The following MTMR10 variants were observed in gnomAD, a reference collection of about 807,000 sequenced individuals.
MTMR10 encodes the protein myotubularin related protein 10.
A neutral mutation model predicts 88.1 loss-of-function variants in MTMR10; 56 were observed. The observed-to-expected ratio is 0.64, with a 90% confidence interval of 0.51 to 0.79. The LOEUF (loss-of-function observed/expected upper bound fraction) is 0.79. MTMR10 is among the 30% of genes least tolerant of loss of function. The pLI is 0.00. For missense variants in MTMR10, 883 were observed against 924.7 expected, an observed-to-expected ratio of 0.95 and a Z score of 0.58; for synonymous variants, 380 against 340.9, an observed-to-expected ratio of 1.11 and a Z score of -1.26.
At chr15:30,945,657 T>C (rs2063160095) in intron 14 of MTMR10, among the ~76,000 whole-genome samples, 1 of 152,084 alleles carries the variant, frequency 6.6e-6, no homozygotes, top group Admixed American at 6.5e-5. Context: ...CCAAGAATGA[T>C]TATGGTGACG....
chr15:30,921,033 C>T, the MTMR10 span, among the ~76,000 whole-genome samples: 2 of 152,194 alleles, frequency 1.3e-5, no homozygotes, highest in African/African-American at 2.4e-5. Context: ...ATTTGCCCAC[C>T]TTGGCCTCTG....
chr15:30,934,746 T>A (rs1171403037), downstream of MTMR10, among the ~76,000 whole-genome samples: 5 of 152,222 alleles, frequency 3.3e-5, no homozygotes, highest in Non-Finnish European at 7.3e-5. Context: ...TTCATTGTGT[T>A]GAAGTGGTTG....
chr15:30,923,772 C>T, the MTMR10 span, among the ~76,000 whole-genome samples: 1 of 152,190 alleles, frequency 6.6e-6, no homozygotes, highest in South Asian at 2.1e-4. Context: ...CTCTGGATGG[C>T]CTGAGCCTTC....
chr15:30,919,378 CAAA>C, the MTMR10 span, among the ~76,000 whole-genome samples: 12 of 75,106 alleles, frequency 1.6e-4, no homozygotes, highest in Admixed American at 4.7e-4. Context: ...AACTCCGTCT[CAAA>C]AAAAAAAAAA....
At chr15:30,988,077 G>C (rs1381726517) in intron 2 of MTMR10, among the ~76,000 whole-genome samples, 1 of 152,174 alleles carries the variant, frequency 6.6e-6, no homozygotes, top group Non-Finnish European at 1.5e-5. Context: ...ATCACCAATA[G>C]TTCGGTAACT....
At position 30,943,039 on chromosome 15, in the gene MTMR10, C is replaced by A; in HGVS notation, c.1582G>T (p.Asp528Tyr). The A allele has an allele frequency of 6.5e-7, 1 of 1,545,188 alleles. No homozygotes were observed. The highest frequency in any genetic ancestry group is 8.7e-7 in the Non-Finnish European group (1 of 1,145,356). The change falls in exon 15 of 16, where the codon GAT (aspartate) becomes TAT (tyrosine). Residue 528 changes from aspartate (D) to tyrosine (Y), a missense_variant. Coordinates refer to ENST00000435680, the MANE Select transcript of MTMR10 (RefSeq NM_017762.3). ...GAGGGGAATTTTAAGCCCTTCTCATCACCCAATTGGATGTTTTTGCTTATA... is the reference window on the plus strand; with the variant it reads ...GAGGGGAATTTTAAGCCCTTCTCATAACCCAATTGGATGTTTTTGCTTATA... ...FAISKNIQLGDEKGLKFPSVW... is the reference protein window; with the variant it reads ...FAISKNIQLGYEKGLKFPSVW...
In MTMR10 at chr15:30,940,762, C is replaced by T. The variant is rs919079393; in HGVS notation, c.*708G>A. 5.1e-6 allele frequency: 5 copies of T among 988,754 alleles called. No individual in the cohort carries two copies. Among genetic ancestry groups the T allele is most frequent in the Admixed American group, 6.0e-5 (1 of 16,616 alleles). 61.2% of individuals were successfully genotyped at this position (988,754 alleles called of 1,614,324 possible). On this transcript the variant is annotated 3_prime_UTR_variant, in exon 16 of 16. Coordinates refer to ENST00000435680, the MANE Select transcript of MTMR10 (RefSeq NM_017762.3). ...AAATATGCAATGGGATTTTCCCACC[C>T]CAATTTTAAAAAGTGAAATTATATT...
At chr15:30,979,784 C>T (rs79580946) in intron 2 of MTMR10, among the ~76,000 whole-genome samples, 1 of 152,204 alleles carries the variant, frequency 6.6e-6, no homozygotes, top group African/African-American at 2.4e-5. Flanking sequence ...ACGTATCAAG[C>T]CTATGAACGC....
At chr15:30,983,772 C>A (rs2030748603) in intron 2 of MTMR10, among the ~76,000 whole-genome samples, 1 of 152,148 alleles carries the variant, frequency 6.6e-6, no homozygotes, top group Non-Finnish European at 1.5e-5. Context: ...AAGCTGGTCA[C>A]CCTAGCTTTA....
chr15:30,937,321 TTTTA>T, downstream of MTMR10: 13 of 1,477,888 alleles, frequency 8.8e-6, no homozygotes, highest in Non-Finnish European at 1.1e-5. Context: ...ATAAAACATG[TTTTA>T]TTTAATTTTG....
intron 6 of MTMR10, among the ~76,000 whole-genome samples, chr15:30,964,274 G>A (rs905098464): frequency 6.6e-6 from 1 of 152,188 alleles, no homozygotes; most frequent in Non-Finnish European, 1.5e-5. Flanking sequence ...ACTGAGTCCA[G>A]CAGCACTGAA....
intron 10 of MTMR10, 50 bp from the exon 11 acceptor site, chr15:30,953,681 C>A: frequency 1.7e-6 from 2 of 1,193,380 alleles, no homozygotes; most frequent in South Asian, 1.4e-5. Context: ...TTTATACGAT[C>A]CCTATCAGAG....
At position 30,948,285 on chromosome 15, in the gene MTMR10, C is replaced by T; in HGVS notation, c.1377+17G>A. 1 of 1,600,272 alleles carries T rather than the reference C, an allele frequency of 6.2e-7. No individual in the cohort carries two copies. The highest frequency in any genetic ancestry group is 8.5e-7 in the Non-Finnish European group (1 of 1,174,054). On this transcript the variant is annotated intron_variant, in intron 13 of 15. Transcript: ENST00000435680. ...GTATCCTTAAAGACTGATAAAAAGG[C>T]ATCAAGATTTTGTTACCTCTTTCTC...
At chr15:30,920,187 G>A in the MTMR10 span, among the ~76,000 whole-genome samples, 2 of 152,112 alleles carry the variant, frequency 1.3e-5, no homozygotes, top group Non-Finnish European at 2.9e-5. Flanking sequence ...TACAATTTTC[G>A]CATACCAAAG....
Position 30,948,301 on chromosome 15 carries a change from CCT to C in MTMR10, c.1376_1377del (p.Glu459ValfsTer23). Reference protein sequence around the residue: ...RCNHLKRSEKESPLFLLFLDA... With the variant: ...RCNHLKRSEKXSPLFLLFLDA... ...ATAAAAAGGCATCAAGATTTTGTTA[CCT>C]CTTTCTCTGATCTCTTTAGATGGTT... is the stretch of plus-strand genomic sequence containing the variant. On this transcript the variant is annotated frameshift_variant and splice_region_variant, in exon 13 of 16. Transcript: ENST00000435680. LOFTEE classifies it high-confidence loss of function. 1 of 1,606,634 alleles carries C rather than the reference CCT, an allele frequency of 6.2e-7. No individual in the cohort carries two copies. The highest frequency in any genetic ancestry group is 1.7e-5 in the Admixed American group (1 of 57,756).
the MTMR10 span, chr15:30,930,813 G>A: frequency 9.8e-7 from 1 of 1,022,762 alleles, no homozygotes; most frequent in South Asian, 1.4e-5. Context: ...GGTTCCTGTG[G>A]GCCTGTCCCC....
At chr15:30,946,490 G>A (rs1485963474) in intron 14 of MTMR10, 17 of 453,480 alleles carry the variant, frequency 3.7e-5, no homozygotes, top group Non-Finnish European at 3.9e-6. Context: ...CCTTACGGCT[G>A]AGGCTGAAGA....
intron 5 of MTMR10, among the ~76,000 whole-genome samples, chr15:30,968,580 C>G (rs990038213): frequency 6.8e-6 from 1 of 146,548 alleles, no homozygotes; most frequent in Non-Finnish European, 1.5e-5. Context: ...CACACACAAA[C>G]TGTGTTTAAG....
Position 30,939,776 on chromosome 15 carries a change from G to C in MTMR10, c.*1694C>G. On this transcript the variant is annotated 3_prime_UTR_variant, in exon 16 of 16. Coordinates refer to ENST00000435680, the MANE Select transcript of MTMR10 (RefSeq NM_017762.3). ...ATTGTGATTACACTGTCAATGGCAG[G>C]ATACGCTGTGGTGTTATAAGGAGAT... 1 of 985,244 alleles carries C rather than the reference G, an allele frequency of 1.0e-6. No individual in the cohort carries two copies. Among genetic ancestry groups the C allele is most frequent in the Non-Finnish European group, 1.2e-6 (1 of 829,758 alleles). 61.0% of individuals were successfully genotyped at this position (985,244 alleles called of 1,614,324 possible). A position where few individuals can be genotyped will look rare whatever the true frequency, so the allele number is the denominator to read the frequency against.
Sources: allele counts gnomAD v4.1 joint callset (sites outside exome capture counted in the v4.1 genomes callset), GRCh38; gene constraint gnomAD v4.1.1; transcripts MANE v1.5; gene names NCBI Gene and HGNC (gene_info 2026-07-23, HGNC 2026-07-21).